Variants in CPNE4 observed in about 807,000 individuals in gnomAD.
CPNE4 encodes copine-4.
Under a neutral mutation model 67.9 loss-of-function variants are expected in CPNE4, and 25 were observed. The ratio of observed to expected loss-of-function variants is 0.37; its 90% CI spans 0.27 to 0.51. The LOEUF (loss-of-function observed/expected upper bound fraction) is 0.51, where lower values mean the gene tolerates loss of function less well. CPNE4 is among the 20% of genes least tolerant of loss of function. CPNE4 has a pLI of 0.93. For synonymous variants in CPNE4, 242 were observed against 244.9 expected, an observed-to-expected ratio of 0.99 and a Z score of 0.11; for missense variants, 464 against 690.8, an observed-to-expected ratio of 0.67 and a Z score of 3.68.
intron 2 of CPNE4, among the ~76,000 whole-genome samples, chr3:131,743,312 A>C (rs2082400024): frequency 6.6e-6 from 1 of 152,214 alleles, no homozygotes; most frequent in Admixed American, 6.5e-5. Flanking sequence ...CTAGGACCAG[A>C]TGGGTTCACA....
chr3:131,743,876 T>G (rs923355828), intron 2 of CPNE4, among the ~76,000 whole-genome samples: 2 of 137,744 alleles, frequency 1.5e-5, no homozygotes, highest in East Asian at 2.3e-4. Context: ...GGCAGGAGAA[T>G]GGCGTGAACC....
intron 2 of CPNE4, among the ~76,000 whole-genome samples, chr3:131,852,383 T>C (rs780810991): frequency 6.6e-6 from 1 of 151,962 alleles, no homozygotes; most frequent in Admixed American, 6.6e-5. Context: ...AATGAATCAA[T>C]AGAATTCATC....
intron 1 of CPNE4, among the ~76,000 whole-genome samples, chr3:131,978,518 TTATATAAATATAAATATATATAAA>T (rs2072810224): frequency 1.3e-5 from 1 of 78,518 alleles, no homozygotes; most frequent in Non-Finnish European, 2.2e-5. Context: ...ATATATTTAT[TTATATAAATATAAATATATATAAA>T]TATATATATA....
chr3:131,556,320 G>A (rs1024873735), intron 11 of CPNE4, among the ~76,000 whole-genome samples: 6 of 152,030 alleles, frequency 3.9e-5, no homozygotes, highest in African/African-American at 1.4e-4. Flanking sequence ...AGGCTGCAGT[G>A]AGCTAAGAAT....
chr3:131,656,823 C>T (rs1282063525), intron 7 of CPNE4, among the ~76,000 whole-genome samples: 1 of 152,270 alleles, frequency 6.6e-6, no homozygotes, highest in East Asian at 1.9e-4. Flanking sequence ...ACAACGAAGT[C>T]TGAGTGCTTC....
upstream of CPNE4, among the ~76,000 whole-genome samples, chr3:132,037,120 T>C (rs1250713471): frequency 6.6e-6 from 1 of 152,208 alleles, no homozygotes; most frequent in African/African-American, 2.4e-5. Context: ...ATAGAGTCAA[T>C]GCTCATAGGG....
At chr3:131,639,938 G>A (rs2079497084) in intron 7 of CPNE4, among the ~76,000 whole-genome samples, 1 of 152,072 alleles carries the variant, frequency 6.6e-6, no homozygotes, top group Admixed American at 6.5e-5. Context: ...TGCATAAAAA[G>A]CATTTGACAA....
intron 1 of CPNE4, among the ~76,000 whole-genome samples, chr3:132,002,039 T>C (rs2073466400): frequency 6.6e-6 from 1 of 152,116 alleles, no homozygotes; most frequent in African/African-American, 2.4e-5. Context: ...CCAGGCTCCT[T>C]TCCGAAGGAT....
intron 3 of CPNE4, among the ~76,000 whole-genome samples, chr3:131,721,565 T>A (rs1391005181): frequency 2.0e-5 from 3 of 152,072 alleles, no homozygotes; most frequent in Admixed American, 1.3e-4. Flanking sequence ...CCGGCTATTT[T>A]TTTGTATTTT....
intron 1 of CPNE4, among the ~76,000 whole-genome samples, chr3:131,915,246 C>G (rs1029520527): frequency 6.6e-6 from 1 of 152,130 alleles, no homozygotes; most frequent in African/African-American, 2.4e-5. Flanking sequence ...CAATTACTTT[C>G]TTTTTAGACC....
chr3:131,990,940 G>A (rs1194559008), intron 1 of CPNE4, among the ~76,000 whole-genome samples: 2 of 136,102 alleles, frequency 1.5e-5, no homozygotes, highest in Non-Finnish European at 3.3e-5. Flanking sequence ...TTTATAAGGG[G>A]CTTTCCCCCC....
intron 2 of CPNE4, among the ~76,000 whole-genome samples, chr3:131,805,879 A>G (rs781504022): frequency 1.3e-5 from 2 of 152,368 alleles, no homozygotes; most frequent in South Asian, 4.1e-4. Flanking sequence ...TCTGCCTGTC[A>G]TATCTATGAA....
intron 7 of CPNE4, among the ~76,000 whole-genome samples, chr3:131,605,340 G>A (rs981459520): frequency 4.6e-5 from 7 of 152,034 alleles, no homozygotes; most frequent in Non-Finnish European, 7.4e-5. Flanking sequence ...CTGTGGTCCA[G>A]GTAGTGAGCA....
At chr3:131,547,502 C>A (rs75814543) in intron 14 of CPNE4, among the ~76,000 whole-genome samples, 11,576 of 86,906 alleles carry the variant, frequency 0.13, 844 homozygotes, top group South Asian at 0.2. Flanking sequence ...AAAAAAAAAA[C>A]CTAATAGTGT....
intron 7 of CPNE4, among the ~76,000 whole-genome samples, chr3:131,596,142 TAACAAACAAACA>T: frequency 6.6e-6 from 1 of 151,886 alleles, no homozygotes; most frequent in Admixed American, 6.6e-5. Context: ...TTAAGTGTTC[TAACAAACAAACA>T]AACAAACAAA....
intron 2 of CPNE4, among the ~76,000 whole-genome samples, chr3:131,875,513 G>A (rs2087405514): frequency 6.6e-6 from 1 of 152,096 alleles, no homozygotes; most frequent in Non-Finnish European, 1.5e-5. Context: ...AAAAAATGAT[G>A]AGTTCATGTC....
At position 132,005,342 on chromosome 3, in the gene CPNE4, TACACACACACACACACACAC is replaced by T. The variant is rs71639016; in HGVS notation, c.-2+29205_-2+29224del. Among the ~76,000 whole-genome samples the T allele has an allele frequency of 2.8e-3, 245 of 86,250 alleles. 2 individuals carry two copies. The highest frequency in any genetic ancestry group is 4.8e-3 in the African/African-American group (91 of 19,126). 56.6% of individuals were successfully genotyped at this position (86,250 alleles called of 152,430 possible). A position where few individuals can be genotyped will look rare whatever the true frequency, so the allele number is the denominator to read the frequency against. On this transcript the variant is annotated intron_variant, in intron 1 of 15. Coordinates refer to ENST00000429747, the MANE Select transcript of CPNE4 (RefSeq NM_130808.3). ...ATATATATATATATATATATATATATACACACACACACACACACACACACACACACATATATGTTTATATT... is the reference window on the plus strand; with the variant it reads ...ATATATATATATATATATATATATATACACACACACATATATGTTTATATT...
chr3:131,839,720 T>G (rs1455824245), intron 2 of CPNE4, among the ~76,000 whole-genome samples: 4 of 150,774 alleles, frequency 2.7e-5, no homozygotes, highest in African/African-American at 9.7e-5. Flanking sequence ...GTGTAACATG[T>G]GAGCATGTAA....
At chr3:131,741,106 T>A (rs1202779192) in intron 2 of CPNE4, among the ~76,000 whole-genome samples, 2 of 152,206 alleles carry the variant, frequency 1.3e-5, no homozygotes, top group African/African-American at 4.8e-5. Context: ...ATTTGCTGCT[T>A]TAATTTTTCT....
Sources: gnomAD v4.1 joint callset for allele counts (sites outside exome capture counted in the v4.1 genomes callset) on GRCh38, gnomAD v4.1.1 for gene constraint, MANE v1.5 for transcripts, NCBI Gene and HGNC (gene_info 2026-07-23, HGNC 2026-07-21) for gene names.